The following KIF4A variants were observed in gnomAD, a reference collection of about 807,000 sequenced individuals.
KIF4A encodes the protein chromosome-associated kinesin KIF4A.
A neutral mutation model predicts 105.9 loss-of-function variants in KIF4A; 7 were observed. That is an observed-to-expected ratio of 0.07 (90% CI 0.04 to 0.12). The LOEUF (loss-of-function observed/expected upper bound fraction) is 0.12, where lower values mean the gene tolerates loss of function less well. Among genes scored for constraint, KIF4A ranks in the 10% least tolerant of loss-of-function variants. KIF4A has a pLI of 1.00. For missense variants in KIF4A, 558 were observed against 929.2 expected (o/e 0.60, Z 5.19); for synonymous variants, 281 against 331.3 (o/e 0.85, Z 1.65).
intron 13 of KIF4A, among the ~76,000 whole-genome samples, chrX:70,345,221 T>C (rs1360179641): frequency 4.5e-5 from 5 of 112,316 alleles, no homozygotes; most frequent in African/African-American, 1.3e-4. Flanking sequence ...CCCAGCACTT[T>C]GGGAGGCCAA....
chrX:70,368,805 G>A (rs1287664774), intron 15 of KIF4A, among the ~76,000 whole-genome samples: 1 of 112,020 alleles, frequency 8.9e-6, no homozygotes, highest in African/African-American at 3.2e-5. Flanking sequence ...AGTCTGCAGG[G>A]GTTTCTGCTG....
At chrX:70,390,235 A>G (rs1354604220) in intron 20 of KIF4A, among the ~76,000 whole-genome samples, 2 of 111,380 alleles carry the variant, frequency 1.8e-5, no homozygotes, top group Non-Finnish European at 3.8e-5. Flanking sequence ...ATCTGCAAAT[A>G]TGGACAATTT....
chrX:70,395,465 A>G (rs979021996), intron 20 of KIF4A, among the ~76,000 whole-genome samples: 2 of 111,921 alleles, frequency 1.8e-5, no homozygotes, highest in Non-Finnish European at 3.8e-5. Context: ...TTCTGGAGAA[A>G]GCCTCTTTCT....
chrX:70,314,999 G>A (rs2085864059), intron 7 of KIF4A, among the ~76,000 whole-genome samples: 2 of 111,648 alleles, frequency 1.8e-5, no homozygotes, highest in African/African-American at 3.3e-5. Flanking sequence ...CATTCTAAAT[G>A]TGGTGTTTAT....
intron 16 of KIF4A, among the ~76,000 whole-genome samples, chrX:70,374,806 A>C (rs1162937970): frequency 9.0e-6 from 1 of 111,710 alleles, no homozygotes; most frequent in East Asian, 2.8e-4. Context: ...TTACTCAGTG[A>C]CTCCGTTTTA....
chrX:70,335,140 C>T (rs1359682746), intron 10 of KIF4A, among the ~76,000 whole-genome samples: 6 of 112,034 alleles, frequency 5.4e-5, no homozygotes. Flanking sequence ...GTAGAATAAC[C>T]CAAATGTCTA....
At chrX:70,336,700 T>C (rs948798087) in intron 10 of KIF4A, among the ~76,000 whole-genome samples, 1 of 111,777 alleles carries the variant, frequency 8.9e-6, no homozygotes, top group Non-Finnish European at 1.9e-5. Flanking sequence ...TTCTATTGGG[T>C]TTTTTGGTCC....
intron 13 of KIF4A, among the ~76,000 whole-genome samples, chrX:70,346,711 G>A (rs757683995): frequency 3.6e-5 from 4 of 111,226 alleles, no homozygotes; most frequent in African/African-American, 6.5e-5. Context: ...GTCACAGTTA[G>A]GCAGAGTAAG....
intron 18 of KIF4A, among the ~76,000 whole-genome samples, chrX:70,377,253 G>A (rs1196118254): frequency 1.8e-5 from 2 of 110,341 alleles, no homozygotes; most frequent in Non-Finnish European, 3.8e-5. Flanking sequence ...TTTATTTTTT[G>A]TAGAGATGGA....
At chrX:70,397,065 T>C (rs1980853647) in intron 22 of KIF4A, among the ~76,000 whole-genome samples, 1 of 108,568 alleles carries the variant, frequency 9.2e-6, no homozygotes, top group Non-Finnish European at 1.9e-5. Flanking sequence ...AGAGCAAGAC[T>C]CCATCTCAAA....
intron 13 of KIF4A, among the ~76,000 whole-genome samples, chrX:70,351,435 C>T (rs1417028773): frequency 8.9e-6 from 1 of 112,185 alleles, no homozygotes; most frequent in East Asian, 2.8e-4. Context: ...AAGATAATGG[C>T]CTCTAGTTTC....
chrX:70,365,197 A>G (rs2086096331), intron 15 of KIF4A, among the ~76,000 whole-genome samples: 2 of 111,896 alleles, frequency 1.8e-5, no homozygotes, highest in South Asian at 7.5e-4. Flanking sequence ...AACAGGGACA[A>G]TTTGACTTTC....
chrX:70,366,533 G>GGTTGTTCAGTTTCCATGTA (rs1197888222), intron 15 of KIF4A, among the ~76,000 whole-genome samples: 1 of 112,201 alleles, frequency 8.9e-6, no homozygotes, highest in Non-Finnish European at 1.9e-5. Flanking sequence ...TTCAGGAGCA[G>GGTTGTTCAGTTTCCATGTA]GTTGTTCAGT....
At chrX:70,334,213 A>G (rs1016922248) in intron 10 of KIF4A, among the ~76,000 whole-genome samples, 1 of 111,741 alleles carries the variant, frequency 8.9e-6, no homozygotes, top group Admixed American at 9.5e-5. Flanking sequence ...TTTAGAAGCC[A>G]AGATTTGGGT....
chrX:70,363,039 C>G (rs1484775331), intron 15 of KIF4A, among the ~76,000 whole-genome samples: 1 of 111,137 alleles, frequency 9.0e-6, no homozygotes, highest in Non-Finnish European at 1.9e-5. Context: ...CCTCCCACCT[C>G]AGCCTCCTGA....
At chrX:70,418,892 G>A (rs543378278) in intron 29 of KIF4A, among the ~76,000 whole-genome samples, 4 of 110,818 alleles carry the variant, frequency 3.6e-5, no homozygotes, top group Non-Finnish European at 5.7e-5. Context: ...AGACCATCCC[G>A]GCTAACACGG....
At chrX:70,315,375 C>G (rs1478705806) in intron 7 of KIF4A, among the ~76,000 whole-genome samples, 1 of 112,187 alleles carries the variant, frequency 8.9e-6, no homozygotes, top group Non-Finnish European at 1.9e-5. Context: ...TGATTTAAAT[C>G]AGAATGGTTT....
intron 10 of KIF4A, among the ~76,000 whole-genome samples, chrX:70,341,415 T>C (rs1300099554): frequency 2.7e-5 from 3 of 111,279 alleles, no homozygotes; most frequent in Non-Finnish European, 5.7e-5. Flanking sequence ...TAATTAGGGA[T>C]TGAGGGTGGG....
intron 7 of KIF4A, among the ~76,000 whole-genome samples, chrX:70,307,391 TC>T (rs777073426): frequency 8.9e-6 from 1 of 111,875 alleles, no homozygotes; most frequent in Non-Finnish European, 1.9e-5. Context: ...CAAGATCATG[TC>T]ACCTGTGAAT....
Sources: allele counts gnomAD v4.1 joint callset (sites outside exome capture counted in the v4.1 genomes callset), GRCh38; gene constraint gnomAD v4.1.1; transcripts MANE v1.5; gene names NCBI Gene and HGNC (gene_info 2026-07-23, HGNC 2026-07-21).